The following ARID5B variants were observed in gnomAD, a reference collection of about 807,000 sequenced individuals.
ARID5B encodes the protein AT-rich interaction domain 5B.
A neutral mutation model predicts 97.2 loss-of-function variants in ARID5B; 13 were observed. The observed-to-expected ratio is 0.13, with a 90% CI of 0.09 to 0.21. The LOEUF is 0.21. Among genes scored for constraint, ARID5B ranks in the 10% least tolerant of loss-of-function variants. The pLI, the probability that ARID5B is intolerant of heterozygous loss-of-function variation, is 1.00. For missense variants in ARID5B, 1,210 were observed against 1,465.3 expected, an observed-to-expected ratio of 0.83 and a Z score of 2.84; for synonymous variants, 556 against 570.3, an observed-to-expected ratio of 0.97 and a Z score of 0.36.
chr10:61,930,762 T>A (rs1844196126), intron 2 of ARID5B, among the ~76,000 whole-genome samples: 1 of 149,464 alleles, frequency 6.7e-6, no homozygotes, highest in South Asian at 2.1e-4. Flanking sequence ...AGATACAGGT[T>A]CTCTATGCTC....
In ARID5B at chr10:62,091,367, G is replaced by A; in HGVS notation, c.1904G>A (p.Ser635Asn). 1.9e-6 allele frequency: 3 copies of A among 1,614,174 alleles called. No homozygotes were observed. In the South Asian group the frequency reaches 3.3e-5, roughly 18 times the overall value. The change falls in exon 10 of 10, where the codon AGT becomes AAT. Residue 635 changes from serine (S) to asparagine (N), a missense_variant. By Grantham distance (46) the Ser-to-Asn change is conservative. Transcript: ENST00000279873. Reference sequence around the variant, plus strand: ...ACCGTGAAGGTGGACCAGCTGGGCAGTGACGACATCCACAATGCGCTCAAG... The same window carrying A: ...ACCGTGAAGGTGGACCAGCTGGGCAATGACGACATCCACAATGCGCTCAAG... ...NCTVKVDQLG[S>N]DDIHNALKQT...
intron 4 of ARID5B, among the ~76,000 whole-genome samples, chr10:62,015,755 C>T (rs894333562): frequency 5.3e-5 from 8 of 152,122 alleles, no homozygotes; most frequent in Non-Finnish European, 7.3e-5. Context: ...TCCTGAGTAG[C>T]TGGGACTACA....
intron 2 of ARID5B, among the ~76,000 whole-genome samples, chr10:61,928,594 C>G (rs560858517): frequency 6.6e-6 from 1 of 152,146 alleles, no homozygotes; most frequent in Non-Finnish European, 1.5e-5. Flanking sequence ...TACCTGCCCC[C>G]CAACTTGAAT....
chr10:61,932,648 G>A (rs921365808), intron 2 of ARID5B, among the ~76,000 whole-genome samples: 4 of 152,014 alleles, frequency 2.6e-5, no homozygotes, highest in Non-Finnish European at 1.5e-5. Flanking sequence ...TTCTTAAAAT[G>A]CCATGCATTG....
At chr10:61,909,240 A>G (rs1214036597) in intron 2 of ARID5B, among the ~76,000 whole-genome samples, 1 of 149,650 alleles carries the variant, frequency 6.7e-6, no homozygotes, top group Non-Finnish European at 1.5e-5. Context: ...TCCCCCCACC[A>G]TAGTGCTGTT....
intron 3 of ARID5B, among the ~76,000 whole-genome samples, chr10:61,962,229 C>G (rs762244846): frequency 1.3e-5 from 2 of 152,190 alleles, no homozygotes; most frequent in Non-Finnish European, 2.9e-5. Context: ...TTCGGATTGT[C>G]TGCATTGGAA....
At chr10:62,055,376 A>T (rs754203915) in intron 5 of ARID5B, among the ~76,000 whole-genome samples, 1 of 152,182 alleles carries the variant, frequency 6.6e-6, no homozygotes, top group Non-Finnish European at 1.5e-5. Flanking sequence ...ATACGAAAAT[A>T]ATAACTACCT....
At chr10:62,048,501 G>A (rs1232150111) in intron 4 of ARID5B, among the ~76,000 whole-genome samples, 1 of 152,208 alleles carries the variant, frequency 6.6e-6, no homozygotes, top group African/African-American at 2.4e-5. Flanking sequence ...GCAAGTACTT[G>A]CCTTACTAAG....
At chr10:61,979,112 A>C (rs894223466) in intron 3 of ARID5B, among the ~76,000 whole-genome samples, 1 of 151,916 alleles carries the variant, frequency 6.6e-6, no homozygotes, top group Non-Finnish European at 1.5e-5. Context: ...ATTCCACGGG[A>C]GACCCGAGTA....
intron 8 of ARID5B, among the ~76,000 whole-genome samples, chr10:62,072,231 C>T (rs951359888): frequency 2.0e-5 from 3 of 152,218 alleles, no homozygotes; most frequent in Non-Finnish European, 4.4e-5. Context: ...TGCTCCCTGG[C>T]TGCTGCCAGA....
At position 61,998,809 on chromosome 10, in the gene ARID5B, T is replaced by C. The variant is rs186652998; in HGVS notation, c.503-1282T>C. Among the ~76,000 whole-genome samples, 22 of 152,192 alleles carry C rather than the reference T, an allele frequency of 1.4e-4. No individual in the cohort carries two copies. In the East Asian group the frequency reaches 4.1e-3, roughly 28 times the overall value. ...GTATGGGGAGGGTGGAGAAGGTGGG[T>C]GTATCAATCAAGTTGGGCTAGATCA... On this transcript the variant is annotated intron_variant, in intron 3 of 9. Coordinates refer to ENST00000279873, the MANE Select transcript of ARID5B (RefSeq NM_032199.3).
chr10:62,008,605 T>C (rs1188608751), intron 4 of ARID5B, among the ~76,000 whole-genome samples: 1 of 152,216 alleles, frequency 6.6e-6, no homozygotes, highest in Non-Finnish European at 1.5e-5. Context: ...CAGCCACCAA[T>C]ACCCTTCATC....
chr10:61,933,225 C>T (rs919929778), intron 2 of ARID5B, among the ~76,000 whole-genome samples: 28 of 152,226 alleles, frequency 1.8e-4, no homozygotes, highest in African/African-American at 6.5e-4. Context: ...GCAATTCATT[C>T]ACATCTTTGG....
At chr10:61,970,620 A>G (rs1838613551) in intron 3 of ARID5B, among the ~76,000 whole-genome samples, 1 of 152,172 alleles carries the variant, frequency 6.6e-6, no homozygotes, top group Non-Finnish European at 1.5e-5. Flanking sequence ...AAGAGCGCCG[A>G]GGAGGTTGAT....
intron 9 of ARID5B, among the ~76,000 whole-genome samples, chr10:62,089,332 A>T (rs1221738107): frequency 1.3e-5 from 2 of 151,510 alleles, no homozygotes; most frequent in African/African-American, 4.9e-5. Flanking sequence ...TTTTTTTTTT[A>T]AAGGGATTTA....
At chr10:62,047,485 A>T (rs1589273448) in intron 4 of ARID5B, among the ~76,000 whole-genome samples, 1 of 152,170 alleles carries the variant, frequency 6.6e-6, no homozygotes, top group South Asian at 2.1e-4. Flanking sequence ...ATATGCTATC[A>T]GTAAGGGTAC....
chr10:61,908,997 G>C (rs1469433903), intron 2 of ARID5B, among the ~76,000 whole-genome samples: 2 of 151,994 alleles, frequency 1.3e-5, no homozygotes, highest in African/African-American at 2.4e-5. Flanking sequence ...AAATTAGAAA[G>C]TACTGTCTTC....
rs532772244 is a variant in ARID5B at position 62,024,366 on chromosome 10, T to C, written c.733+24045T>C. ...CTGTTGTCTTTGTAGCAGCCAGTGA[T>C]TACTGCACATGCTCAATTCTTGAGT... is the stretch of plus-strand genomic sequence containing the variant. On this transcript the variant is annotated intron_variant, in intron 4 of 9. Transcript: ENST00000279873. 2.6e-5 allele frequency among the ~76,000 whole-genome samples: 4 copies of C among 152,350 alleles called. No individual in the cohort carries two copies. The South Asian group carries it at 8.3e-4, about 32-fold the overall frequency.
chr10:62,049,453 C>T (rs2132929168), intron 4 of ARID5B: 1 of 1,550,516 alleles, frequency 6.4e-7, no homozygotes, highest in East Asian at 2.4e-5. Context: ...GCACAGGCAT[C>T]AGTCAGGCAG....
Sources: allele counts gnomAD v4.1 joint callset (sites outside exome capture counted in the v4.1 genomes callset), GRCh38; gene constraint gnomAD v4.1.1; transcripts MANE v1.5; gene names NCBI Gene and HGNC (gene_info 2026-07-23, HGNC 2026-07-21).